Variants in B3GALT1 observed in about 807,000 individuals in gnomAD.
B3GALT1 encodes the protein beta-1,3-galactosyltransferase 1, also known as UDP-Gal:betaGlcNAc beta 1,3-galactosyltransferase, polypeptide 1.
A neutral mutation model predicts 23.2 loss-of-function variants in B3GALT1; 10 were observed. The ratio of observed to expected loss-of-function variants is 0.43; its 90% confidence interval spans 0.27 to 0.73. The LOEUF (loss-of-function observed/expected upper bound fraction) is 0.73. B3GALT1 is among the 30% of genes least tolerant of loss of function. The pLI is 0.21. For missense variants in B3GALT1, 299 were observed against 405.4 expected (o/e 0.74, Z 2.25); for synonymous variants, 156 against 141.5 (o/e 1.10, Z -0.73).
rs560319761 is a variant in B3GALT1 at position 167,812,211 on chromosome 2, A to G, written c.-351-6461A>G. Among the ~76,000 whole-genome samples the G allele has an allele frequency of 7.9e-5, 12 of 152,374 alleles. No homozygotes were observed. The South Asian group carries it at 8.3e-4, about 11-fold the overall frequency. On this transcript the variant is annotated intron_variant, in intron 3 of 4. Coordinates refer to ENST00000392690, the MANE Select transcript of B3GALT1 (RefSeq NM_020981.4). ...ATGAGCTTACAAGGCATAGTTTCCT[A>G]TAACATTGTTTGCAAGATATGCTGA...
At chr2:167,336,731 TTTTA>T (rs1697062202) in intron 1 of B3GALT1, among the ~76,000 whole-genome samples, 2 of 152,132 alleles carry the variant, frequency 1.3e-5, no homozygotes, top group African/African-American at 4.8e-5. Context: ...AGATGTAGTA[TTTTA>T]TTTATTTATA....
chr2:167,446,863 G>A (rs908918207), intron 1 of B3GALT1, among the ~76,000 whole-genome samples: 10 of 152,092 alleles, frequency 6.6e-5, no homozygotes, highest in African/African-American at 2.2e-4. Flanking sequence ...CTCTCAAATC[G>A]TCAAAGTCAT....
At chr2:167,662,854 T>G (rs973228430) in intron 3 of B3GALT1, among the ~76,000 whole-genome samples, 1 of 152,148 alleles carries the variant, frequency 6.6e-6, no homozygotes, top group Non-Finnish European at 1.5e-5. Flanking sequence ...ATCTGCTGTT[T>G]CTTTTGCCTG....
intron 3 of B3GALT1, among the ~76,000 whole-genome samples, chr2:167,765,666 AT>A (rs1277379162): frequency 1.1e-4 from 17 of 152,202 alleles, no homozygotes; most frequent in Non-Finnish European, 1.9e-4. Flanking sequence ...GAGCAAATAA[AT>A]TTTCATGACA....
intron 2 of B3GALT1, among the ~76,000 whole-genome samples, chr2:167,501,985 T>C (rs1015307124): frequency 6.6e-6 from 1 of 152,180 alleles, no homozygotes; most frequent in African/African-American, 2.4e-5. Context: ...TAACTGTAAA[T>C]GAAGTCTTAC....
chr2:167,640,619 C>T (rs1323570160), intron 2 of B3GALT1, among the ~76,000 whole-genome samples: 2 of 151,968 alleles, frequency 1.3e-5, no homozygotes, highest in African/African-American at 4.8e-5. Flanking sequence ...AGTCTGCCAT[C>T]GGACCAGGTA....
At chr2:167,330,357 A>C (rs1321949644) in intron 1 of B3GALT1, among the ~76,000 whole-genome samples, 2 of 152,086 alleles carry the variant, frequency 1.3e-5, no homozygotes, top group African/African-American at 4.8e-5. Flanking sequence ...CTTTAATCTC[A>C]ACACTTTGGG....
intron 3 of B3GALT1, among the ~76,000 whole-genome samples, chr2:167,705,935 T>C (rs2105514046): frequency 6.6e-6 from 1 of 152,324 alleles, no homozygotes; most frequent in South Asian, 2.1e-4. Context: ...TATAAAACAC[T>C]TTCATCATTG....
chr2:167,345,193 G>T (rs1247293165), intron 1 of B3GALT1, among the ~76,000 whole-genome samples: 1 of 151,842 alleles, frequency 6.6e-6, no homozygotes, highest in Non-Finnish European at 1.5e-5. Flanking sequence ...TCTCTCAGAA[G>T]GATTTTTCTA....
At chr2:167,522,005 TAC>T (rs1553464226) in intron 2 of B3GALT1, among the ~76,000 whole-genome samples, 1 of 144,972 alleles carries the variant, frequency 6.9e-6, no homozygotes, top group African/African-American at 2.5e-5. Context: ...TATATATATA[TAC>T]ACATATATAT....
At chr2:167,766,744 G>A (rs1287268497) in intron 3 of B3GALT1, among the ~76,000 whole-genome samples, 1 of 152,198 alleles carries the variant, frequency 6.6e-6, no homozygotes, top group Non-Finnish European at 1.5e-5. Flanking sequence ...TTGTGGTGGA[G>A]AAGGACTCTC....
chr2:167,467,484 T>C (rs1699366214), intron 1 of B3GALT1, among the ~76,000 whole-genome samples: 1 of 152,192 alleles, frequency 6.6e-6, no homozygotes, highest in African/African-American at 2.4e-5. Context: ...TTTGTAATCC[T>C]TATATTATAA....
chr2:167,371,608 G>C (rs1044125726), intron 1 of B3GALT1, among the ~76,000 whole-genome samples: 1 of 152,000 alleles, frequency 6.6e-6, no homozygotes, highest in Non-Finnish European at 1.5e-5. Context: ...AATGTAACTT[G>C]GGATGAATAA....
rs1244053730 is a variant in B3GALT1, at chr2:167,726,023, A to T, written c.-352+79057A>T. 2.6e-5 allele frequency among the ~76,000 whole-genome samples: 4 copies of T among 152,284 alleles called. No individual in the cohort carries two copies. The East Asian group carries it at 7.7e-4, about 29-fold the overall frequency. On this transcript the variant is annotated intron_variant, in intron 3 of 4. Transcript: ENST00000392690. ...TTGGGGATCAAATATGCTTTAACAG[A>T]TCTTGGGCCTTTAAGACAGAGATAT... is the stretch of plus-strand genomic sequence containing the variant.
chr2:167,484,007 T>C (rs552261368), intron 1 of B3GALT1, among the ~76,000 whole-genome samples: 1 of 152,316 alleles, frequency 6.6e-6, no homozygotes, highest in African/African-American at 2.4e-5. Flanking sequence ...TAGCCACATA[T>C]AGAAGCTCCA....
intron 4 of B3GALT1, among the ~76,000 whole-genome samples, chr2:167,836,599 C>T (rs1166092523): frequency 3.3e-5 from 5 of 152,120 alleles, no homozygotes; most frequent in Non-Finnish European, 5.9e-5. Flanking sequence ...TTGGAAAACA[C>T]TCTGCAGGAT....
rs563618706 is a variant in B3GALT1 at position 167,333,866 on chromosome 2, A to G, written c.-511+40532A>G. 2.9e-3 allele frequency among the ~76,000 whole-genome samples: 446 copies of G among 152,286 alleles called. 2 individuals are homozygous for G. The highest frequency in any genetic ancestry group is 5.2e-3 in the Non-Finnish European group (353 of 68,016). ...GACAGATTTAAAAAGGCTTAGAGAA[A>G]AAACAACCTGTCTTCTCAGAGTATT... On this transcript the variant is annotated intron_variant, in intron 1 of 4. Coordinates refer to ENST00000392690, the MANE Select transcript of B3GALT1 (RefSeq NM_020981.4).
chr2:167,566,032 C>T (rs909020885), intron 2 of B3GALT1, among the ~76,000 whole-genome samples: 1 of 151,992 alleles, frequency 6.6e-6, no homozygotes, highest in African/African-American at 2.4e-5. Context: ...AATCATGCTG[C>T]TATAAAGACA....
intron 1 of B3GALT1, among the ~76,000 whole-genome samples, chr2:167,427,986 C>T (rs1355102318): frequency 2.0e-5 from 3 of 152,156 alleles, no homozygotes; most frequent in Non-Finnish European, 4.4e-5. Flanking sequence ...TGCCCCATGC[C>T]TCTCCTAATG....
Sources: allele counts gnomAD v4.1 joint callset (sites outside exome capture counted in the v4.1 genomes callset), GRCh38; gene constraint gnomAD v4.1.1; transcripts MANE v1.5; gene names NCBI Gene and HGNC (gene_info 2026-07-23, HGNC 2026-07-21).